The following MPPED1 variants were observed in gnomAD, a reference collection of about 807,000 sequenced individuals.
The protein encoded by MPPED1 is metallophosphoesterase domain containing 1.
A neutral mutation model predicts 36.2 loss-of-function variants in MPPED1; 16 were observed. The observed-to-expected ratio is 0.44, with a 90% CI of 0.30 to 0.67. The LOEUF (loss-of-function observed/expected upper bound fraction) is 0.67. Ranked by LOEUF, MPPED1 falls within the 30% of genes least tolerant of loss-of-function variation. The pLI, the probability that MPPED1 is intolerant of heterozygous loss-of-function variation, is 0.10. For missense variants in MPPED1, 307 were observed against 453.4 expected (o/e 0.68, Z 2.93); for synonymous variants, 199 against 191.3 (o/e 1.04, Z -0.33).
At chr22:43,421,260 T>C (rs1239844999) in intron 1 of MPPED1, among the ~76,000 whole-genome samples, 2 of 152,262 alleles carry the variant, frequency 1.3e-5, no homozygotes, top group Non-Finnish European at 2.9e-5. Context: ...AACGTGCTGC[T>C]GCGGCTCCAT....
chr22:43,483,102 G>A (rs1931800363), intron 4 of MPPED1, among the ~76,000 whole-genome samples: 1 of 152,262 alleles, frequency 6.6e-6, no homozygotes, highest in Non-Finnish European at 1.5e-5. Context: ...AACTGAACAA[G>A]CTGGGCCTGC....
chr22:43,478,640 A>C (rs1409224325), intron 4 of MPPED1, among the ~76,000 whole-genome samples: 1 of 152,140 alleles, frequency 6.6e-6, no homozygotes, highest in Non-Finnish European at 1.5e-5. Context: ...TTTGGGGACC[A>C]CAGAGCTGAG....
intron 3 of MPPED1, among the ~76,000 whole-genome samples, chr22:43,448,578 T>TTTTATTTATTTATTTATTTA (rs135048): frequency 1.4e-5 from 2 of 147,240 alleles, no homozygotes; most frequent in African/African-American, 5.0e-5. Context: ...TTTAAAATCT[T>TTTTATTTATTTATTTATTTA]TTTATTTATT....
rs969943153 is a variant in MPPED1 at position 43,452,069 on chromosome 22, G to A, written c.406+16854G>A. Among the ~76,000 whole-genome samples, 13 of 151,324 alleles carry A rather than the reference G, an allele frequency of 8.6e-5. 2 individuals are homozygous for A. Among genetic ancestry groups the A allele is most frequent in the Admixed American group, 8.6e-4 (13 of 15,178 alleles). ...GTCTTGCTCTGTTGCCCAGGCTGGA[G>A]TGCAGTGGCATGATCTCGGCTCACT... On this transcript the variant is annotated intron_variant, in intron 3 of 6. Transcript: ENST00000443721.
chr22:43,474,432 G>A lies in MPPED1; in HGVS notation c.407-304G>A, dbSNP rs1475604232. Among the ~76,000 whole-genome samples the A allele has an allele frequency of 6.6e-6, 1 of 152,250 alleles. No homozygotes were observed. The highest frequency in any genetic ancestry group is 1.9e-4 in the East Asian group (1 of 5,202). On this transcript the variant is annotated intron_variant, in intron 3 of 6. Transcript: ENST00000443721. The surrounding 1 kb of genome is among the most constrained non-coding windows in gnomAD (Gnocchi z 5.2). ...CTCCTTTGATCTGATGAAGACACCT[G>A]TTGGGGGCCTGGCAGCAGGTACCCC...
intron 1 of MPPED1, among the ~76,000 whole-genome samples, chr22:43,422,831 C>T (rs1929321816): frequency 6.6e-6 from 1 of 152,140 alleles, no homozygotes; most frequent in Admixed American, 6.5e-5. Flanking sequence ...CAGGAGGTGG[C>T]ATTGCTACTA....
chr22:43,451,625 C>T (rs1930570685), intron 3 of MPPED1, among the ~76,000 whole-genome samples: 1 of 152,228 alleles, frequency 6.6e-6, no homozygotes, highest in East Asian at 1.9e-4. Context: ...AACATCCCAA[C>T]CTCTCAAAAT....
At chr22:43,433,581 A>G (rs1451393297) in intron 2 of MPPED1, among the ~76,000 whole-genome samples, 1 of 58,386 alleles carries the variant, frequency 1.7e-5, no homozygotes, top group Non-Finnish European at 4.7e-5. Context: ...CCCTAGGCCT[A>G]GCAACCCCCA....
At chr22:43,446,634 G>A (rs1339187904) in intron 3 of MPPED1, among the ~76,000 whole-genome samples, 2 of 152,196 alleles carry the variant, frequency 1.3e-5, no homozygotes, top group Non-Finnish European at 2.9e-5. Context: ...GGACCCAGTA[G>A]GGAAGCTTGG....
chr22:43,476,409 C>A (rs1353982356), intron 4 of MPPED1, among the ~76,000 whole-genome samples: 1 of 152,002 alleles, frequency 6.6e-6, no homozygotes, highest in African/African-American at 2.4e-5. Flanking sequence ...AGTAACGTGG[C>A]CTGAGGCTGC....
chr22:43,499,660 TGGC>T (rs1241926783), intron 5 of MPPED1, among the ~76,000 whole-genome samples: 1 of 86,056 alleles, frequency 1.2e-5, no homozygotes. Context: ...GTGATGGGGG[TGGC>T]GGTGATGGGG....
intron 2 of MPPED1, among the ~76,000 whole-genome samples, chr22:43,430,143 G>A (rs1351055867): frequency 1.3e-5 from 2 of 152,146 alleles, no homozygotes; most frequent in Admixed American, 6.5e-5. Context: ...CCAGTCACAC[G>A]GCTGGATGAG....
At chr22:43,463,757 T>C (rs1223589316) in intron 3 of MPPED1, among the ~76,000 whole-genome samples, 1 of 152,078 alleles carries the variant, frequency 6.6e-6, no homozygotes, top group Non-Finnish European at 1.5e-5. Flanking sequence ...TTTCCTTGTT[T>C]GATTTGGCCT....
rs1236531875 is a variant in MPPED1, at chr22:43,502,776, C to G, written c.862+19C>G. The G allele has an allele frequency of 6.2e-7, 1 of 1,606,092 alleles. No individual in the cohort carries two copies. The highest frequency in any genetic ancestry group is 1.7e-5 in the Admixed American group (1 of 59,990). The stretch of plus-strand genomic sequence containing the variant: ...CACGAAGGTCAGTACGTAGCGGAGA[C>G]AGGCACCTCACGGGCTAGGGGCTCC... On this transcript the variant is annotated intron_variant, in intron 6 of 6. Transcript: ENST00000443721. This position sits in a 1 kb window ranked among gnomAD's most constrained non-coding sequence, Gnocchi z 5.5.
chr22:43,481,264 C>A (rs1230808744), intron 4 of MPPED1, among the ~76,000 whole-genome samples: 1 of 152,312 alleles, frequency 6.6e-6, no homozygotes, highest in South Asian at 2.1e-4. Flanking sequence ...CCTGGCCTAG[C>A]ACCATGTGTA....
At chr22:43,421,192 C>T (rs1011921577) in intron 1 of MPPED1, among the ~76,000 whole-genome samples, 1 of 152,248 alleles carries the variant, frequency 6.6e-6, no homozygotes, top group Non-Finnish European at 1.5e-5. Context: ...GGAGATGCTG[C>T]GCCTCCTCCG....
chr22:43,446,012 A>T (rs897737795), intron 3 of MPPED1, among the ~76,000 whole-genome samples: 5 of 149,736 alleles, frequency 3.3e-5, no homozygotes, highest in African/African-American at 1.2e-4. Flanking sequence ...CTGGGACTAC[A>T]GGCATGCACC....
chr22:43,501,556 A>G (rs1932736180), intron 5 of MPPED1, among the ~76,000 whole-genome samples: 1 of 152,008 alleles, frequency 6.6e-6, no homozygotes, highest in Non-Finnish European at 1.5e-5. Flanking sequence ...TCATCTCCGG[A>G]CTGTGTGCGC....
chr22:43,498,757 C>T (rs1167675794), intron 5 of MPPED1, among the ~76,000 whole-genome samples: 1 of 152,002 alleles, frequency 6.6e-6, no homozygotes, highest in Admixed American at 6.5e-5. Flanking sequence ...AGCCCAACAT[C>T]CCCAGGGCCT....
Sources: gnomAD v4.1 joint callset for allele counts (sites outside exome capture counted in the v4.1 genomes callset) on GRCh38, gnomAD v4.1.1 for gene constraint, Gnocchi (gnomAD v3.1) non-coding constraint, MANE v1.5 for transcripts, NCBI Gene and HGNC (gene_info 2026-07-23, HGNC 2026-07-21) for gene names.